Variants in ZDHHC7 observed in about 807,000 individuals in gnomAD.
ZDHHC7 encodes palmitoyltransferase ZDHHC7.
ZDHHC7 carries 12 observed loss-of-function variants against 34.1 expected under a neutral mutation model. That is an observed-to-expected ratio of 0.35 (90% CI 0.23 to 0.57). ZDHHC7 has a LOEUF of 0.57. Among genes scored for constraint, ZDHHC7 ranks in the 20% least tolerant of loss-of-function variants. ZDHHC7 has a pLI of 0.84. For missense variants in ZDHHC7, 388 were observed against 402.7 expected (o/e 0.96, Z 0.31); for synonymous variants, 185 against 155.4 (o/e 1.19, Z -1.42).
intron 3 of ZDHHC7, among the ~76,000 whole-genome samples, chr16:84,988,501 A>G (rs1051758515): frequency 6.6e-6 from 1 of 152,144 alleles, no homozygotes; most frequent in Non-Finnish European, 1.5e-5. Context: ...ACAACAAGCA[A>G]AAGAAATCTG....
At chr16:84,976,615 G>C in intron 7 of ZDHHC7, 96 bp from the exon 8 acceptor site, 1 of 1,468,516 alleles carries the variant, frequency 6.8e-7, no homozygotes, top group Non-Finnish European at 9.2e-7. Context: ...CACAGTGTGG[G>C]CTCGATGGAG....
intron 3 of ZDHHC7, among the ~76,000 whole-genome samples, chr16:84,984,647 A>C (rs1597538013): frequency 6.6e-6 from 1 of 152,196 alleles, no homozygotes; most frequent in South Asian, 2.1e-4. Flanking sequence ...GGTGATCCTC[A>C]GGGACCTGAG....
chr16:85,023,926 A>ATTTTT, the ZDHHC7 span, among the ~76,000 whole-genome samples: 1 of 149,732 alleles, frequency 6.7e-6, no homozygotes. Flanking sequence ...TATTCAAAGT[A>ATTTTT]TTTTTTTTTG....
rs1002951756 is a variant in ZDHHC7, at chr16:84,976,030, T to G, written c.*313A>C. ...TTTCTTCATGATTGGAAACAGCAGC[T>G]CAGGACCCAGGATTTGAATAACCCA... is the stretch of plus-strand genomic sequence containing the variant. On this transcript the variant is annotated 3_prime_UTR_variant, in exon 8 of 8. Coordinates refer to ENST00000313732, the MANE Select transcript of ZDHHC7 (RefSeq NM_017740.3). The G allele has an allele frequency of 3.0e-6, 1 of 329,310 alleles. No individual in the cohort carries two copies. Among genetic ancestry groups the G allele is most frequent in the African/African-American group, 2.2e-5 (1 of 44,546 alleles). The allele number at this position is 329,310 out of a possible 1,614,324, so 20.4% of individuals were successfully genotyped here. A position where few individuals can be genotyped will look rare whatever the true frequency, so the allele number is the denominator to read the frequency against.
At chr16:85,017,685 C>A in the ZDHHC7 span, among the ~76,000 whole-genome samples, 2 of 152,170 alleles carry the variant, frequency 1.3e-5, no homozygotes, top group East Asian at 3.8e-4. Context: ...TACCCGTGGG[C>A]TGGGAGAGAT....
the ZDHHC7 span, among the ~76,000 whole-genome samples, chr16:85,027,092 T>C: frequency 1.3e-5 from 2 of 152,212 alleles, no homozygotes; most frequent in Admixed American, 6.5e-5. Flanking sequence ...CTGTATTTGC[T>C]GAAAAGATGC....
At position 84,978,020 on chromosome 16, in the gene ZDHHC7, A is replaced by C. The variant is rs1206298732; in HGVS notation, c.538-15T>G. ...GCTATATACATCTAGAATGAGGGGG[A>C]GATTGGTTAGTCACTTTTATTTTTT... On this transcript the variant is annotated splice_polypyrimidine_tract_variant and intron_variant, in intron 5 of 7. Coordinates refer to ENST00000313732, the MANE Select transcript of ZDHHC7 (RefSeq NM_017740.3). 6.3e-7 allele frequency: 1 copy of C among 1,579,312 alleles called. No homozygotes were observed. The highest frequency in any genetic ancestry group is 1.7e-5 in the Admixed American group (1 of 57,600).
At chr16:85,009,522 G>A (rs1020777462) in intron 1 of ZDHHC7, among the ~76,000 whole-genome samples, 7 of 150,792 alleles carry the variant, frequency 4.6e-5, no homozygotes, top group Admixed American at 2.6e-4. Context: ...GTTACTTAGC[G>A]AATCCTTTGG....
upstream of ZDHHC7, among the ~76,000 whole-genome samples, chr16:85,012,289 G>A (rs1442670977): frequency 6.6e-6 from 1 of 151,652 alleles, no homozygotes; most frequent in Non-Finnish European, 1.5e-5. Flanking sequence ...GAGAGGCTGA[G>A]GCAGGAGAAT....
intron 2 of ZDHHC7, among the ~76,000 whole-genome samples, chr16:84,994,875 C>G (rs539656327): frequency 1.3e-5 from 2 of 152,286 alleles, no homozygotes; most frequent in East Asian, 3.9e-4. Context: ...TTAGGCTGGA[C>G]AAATACAGCT....
At position 85,005,550 on chromosome 16, in the gene ZDHHC7, A is replaced by G. The variant is rs577168173; in HGVS notation, c.-104+5736T>C. ...ATCCACAGCCAGTTAGGGTGGAGTC[A>G]GAACTGTTTTGATTCCAAAGCCCGT... On this transcript the variant is annotated intron_variant, in intron 1 of 7. Transcript: ENST00000313732. 8.5e-5 allele frequency among the ~76,000 whole-genome samples: 13 copies of G among 152,264 alleles called. No individual in the cohort carries two copies. In the South Asian group the frequency reaches 2.3e-3, roughly 27 times the overall value.
intron 2 of ZDHHC7, among the ~76,000 whole-genome samples, chr16:84,994,627 G>A (rs561717590): frequency 1.3e-5 from 2 of 152,210 alleles, no homozygotes; most frequent in Non-Finnish European, 2.9e-5. Flanking sequence ...GGATGCTGCT[G>A]TGGCTCCATG....
In ZDHHC7 at chr16:84,976,188, G is replaced by T; in HGVS notation, c.*155C>A. On this transcript the variant is annotated 3_prime_UTR_variant, in exon 8 of 8. Coordinates refer to ENST00000313732, the MANE Select transcript of ZDHHC7 (RefSeq NM_017740.3). ...CTGAGAGCCTCTTCCTCTGCCATCTGTGACTATAAATATATAAAACTCTGC... is the reference window on the plus strand; with the variant it reads ...CTGAGAGCCTCTTCCTCTGCCATCTTTGACTATAAATATATAAAACTCTGC... 1 of 954,644 alleles carries T rather than the reference G, an allele frequency of 1.0e-6. No individual in the cohort carries two copies. Among genetic ancestry groups the T allele is most frequent in the Non-Finnish European group, 1.6e-6 (1 of 644,100 alleles). The allele number at this position is 954,644 out of a possible 1,614,324, so 59.1% of individuals were successfully genotyped here.
rs1462066858 is a variant in ZDHHC7 at position 84,995,962 on chromosome 16, C to G, written c.-58G>C. On this transcript the variant is annotated 5_prime_UTR_variant, in exon 2 of 8. Transcript: ENST00000313732. ...TAAACATCACTTGAACATTTTGTGC[C>G]GTTTCTTCAGGATCTTAAGGTGCAT... is the stretch of plus-strand genomic sequence containing the variant. 1 of 152,136 alleles carries G rather than the reference C, an allele frequency of 6.6e-6. No individual in the cohort carries two copies. The highest frequency in any genetic ancestry group is 2.4e-5 in the African/African-American group (1 of 41,414). The allele number at this position is 152,136 out of a possible 1,614,324, so 9.4% of individuals were successfully genotyped here.
intron 7 of ZDHHC7, 90 bp downstream of exon 7, chr16:84,977,005 T>C: frequency 1.3e-6 from 2 of 1,554,844 alleles, no homozygotes; most frequent in Non-Finnish European, 1.7e-6. Context: ...CCCGAGTCAG[T>C]CCACAGGCAC....
the ZDHHC7 span, chr16:85,027,607 A>G: frequency 1.3e-5 from 2 of 151,988 alleles, no homozygotes; most frequent in African/African-American, 2.4e-5. Flanking sequence ...GCTCCCACCG[A>G]GCGTGGGCAG....
chr16:85,017,622 TACAC>T, the ZDHHC7 span, among the ~76,000 whole-genome samples: 2 of 152,124 alleles, frequency 1.3e-5, no homozygotes, highest in Non-Finnish European at 2.9e-5. Flanking sequence ...ACAACGACAA[TACAC>T]ATACATGCGA....
intron 7 of ZDHHC7, 125 bp downstream of exon 7, chr16:84,976,970 C>T: frequency 7.3e-7 from 1 of 1,378,900 alleles, no homozygotes; most frequent in Non-Finnish European, 9.9e-7. Context: ...CTGGTTGCAG[C>T]TCATCAAGAC....
intron 7 of ZDHHC7, 114 bp from the exon 8 acceptor site, chr16:84,976,633 G>A (rs1312345328): frequency 2.9e-6 from 4 of 1,382,962 alleles, no homozygotes; most frequent in Non-Finnish European, 2.9e-6. Context: ...GAGGGTAGGT[G>A]AGTGAACTCT....
Sources: allele counts gnomAD v4.1 joint callset (sites outside exome capture counted in the v4.1 genomes callset), GRCh38; gene constraint gnomAD v4.1.1; transcripts MANE v1.5; gene names NCBI Gene and HGNC (gene_info 2026-07-23, HGNC 2026-07-21).